EPHA6: variants seen among roughly 807,000 people sequenced by gnomAD.
The protein encoded by EPHA6 is ephrin type-A receptor 6.
In EPHA6, 50 loss-of-function variants were observed where a neutral mutation model predicts 112.0. The ratio of observed to expected loss-of-function variants is 0.45; its 90% confidence interval spans 0.36 to 0.56. The LOEUF (loss-of-function observed/expected upper bound fraction) is 0.56. EPHA6 is among the 20% of genes least tolerant of loss of function. The pLI is 0.00. For synonymous variants in EPHA6, 529 were observed against 490.7 expected (o/e 1.08, Z -1.03); for missense variants, 1,280 against 1,417.4 (o/e 0.90, Z 1.56).
chr3:97,264,324 C>T (rs1439588328), intron 5 of EPHA6, among the ~76,000 whole-genome samples: 1 of 152,252 alleles, frequency 6.6e-6, no homozygotes, highest in Admixed American at 6.5e-5. Context: ...GGGGTCCGGC[C>T]ATTGCGCACA....
intron 3 of EPHA6, among the ~76,000 whole-genome samples, chr3:97,114,432 C>A (rs1267811651): frequency 6.6e-6 from 1 of 152,038 alleles, no homozygotes. Context: ...TGATTAATAT[C>A]TCTTCCCATG....
intron 14 of EPHA6, among the ~76,000 whole-genome samples, chr3:97,657,703 A>G (rs984424968): frequency 2.0e-5 from 3 of 151,858 alleles, no homozygotes; most frequent in Admixed American, 6.6e-5. Context: ...CCTAGCCACT[A>G]TTGAGACTAA....
intron 14 of EPHA6, among the ~76,000 whole-genome samples, chr3:97,671,686 T>C (rs1560252209): frequency 1.3e-5 from 2 of 152,198 alleles, no homozygotes; most frequent in Admixed American, 1.3e-4. Context: ...TTTAAAAACC[T>C]GTGGCCTTGG....
intron 11 of EPHA6, among the ~76,000 whole-genome samples, chr3:97,558,531 C>A (rs965806561): frequency 1.4e-4 from 22 of 152,006 alleles, no homozygotes; most frequent in African/African-American, 4.3e-4. Flanking sequence ...CCCTTTCCCC[C>A]ATTCTCTATA....
intron 1 of EPHA6, among the ~76,000 whole-genome samples, chr3:96,818,514 T>C (rs2032991606): frequency 6.6e-6 from 1 of 151,994 alleles, no homozygotes; most frequent in African/African-American, 2.4e-5. Context: ...GTTGATTTCA[T>C]TAAATTTATT....
chr3:97,424,567 G>T (rs2107202280), intron 6 of EPHA6, among the ~76,000 whole-genome samples: 1 of 152,144 alleles, frequency 6.6e-6, no homozygotes, highest in South Asian at 2.1e-4. Flanking sequence ...ATTTTGGAAG[G>T]CCAAGGCGGG....
chr3:97,359,628 G>T (rs1486958120), intron 5 of EPHA6, among the ~76,000 whole-genome samples: 1 of 151,486 alleles, frequency 6.6e-6, no homozygotes, highest in Non-Finnish European at 1.5e-5. Flanking sequence ...CTTTGTGTGG[G>T]TCATATTTTC....
intron 3 of EPHA6, among the ~76,000 whole-genome samples, chr3:97,161,211 C>T (rs757594095): frequency 6.6e-6 from 1 of 152,080 alleles, no homozygotes; most frequent in Non-Finnish European, 1.5e-5. Flanking sequence ...TTTAAGTGTT[C>T]GGTCTCTACT....
At chr3:97,268,572 G>A (rs2079775055) in intron 5 of EPHA6, among the ~76,000 whole-genome samples, 1 of 152,056 alleles carries the variant, frequency 6.6e-6, no homozygotes, top group African/African-American at 2.4e-5. Flanking sequence ...GGCTATCTTG[G>A]GGATGTGGAA....
intron 3 of EPHA6, among the ~76,000 whole-genome samples, chr3:97,027,789 A>T (rs1012788043): frequency 1.3e-5 from 2 of 152,202 alleles, no homozygotes; most frequent in African/African-American, 4.8e-5. Flanking sequence ...ATTTTTATTA[A>T]CATCCCTTTG....
At chr3:97,148,605 A>G (rs764336034) in intron 3 of EPHA6, among the ~76,000 whole-genome samples, 3 of 152,086 alleles carry the variant, frequency 2.0e-5, no homozygotes, top group African/African-American at 4.8e-5. Context: ...TTTTATGATC[A>G]CACTACTGTG....
At chr3:97,150,710 A>C (rs1037413320) in intron 3 of EPHA6, among the ~76,000 whole-genome samples, 2 of 152,122 alleles carry the variant, frequency 1.3e-5, no homozygotes, top group Non-Finnish European at 2.9e-5. Flanking sequence ...TGTAAGCTTG[A>C]AAGCAGTATA....
rs192142626 is a variant in EPHA6 at position 97,372,949 on chromosome 3, G to A, written c.1607-32201G>A. 3.1e-3 allele frequency among the ~76,000 whole-genome samples: 470 copies of A among 152,212 alleles called. 4 individuals carry two copies. The highest frequency in any genetic ancestry group is 0.011 in the African/African-American group (456 of 41,556). ...GTGTTTTAATTACACAAAATCAGATGCAAACCAAATTCTTCAAATGGTCCC... is the reference window on the plus strand; with the variant it reads ...GTGTTTTAATTACACAAAATCAGATACAAACCAAATTCTTCAAATGGTCCC... On this transcript the variant is annotated intron_variant, in intron 5 of 17. Transcript: ENST00000389672.
chr3:96,819,303 A>G (rs2033060041), intron 1 of EPHA6, among the ~76,000 whole-genome samples: 2 of 152,044 alleles, frequency 1.3e-5, no homozygotes, highest in Admixed American at 6.6e-5. Context: ...AATAAGTATT[A>G]AAAAATATTA....
At chr3:97,406,580 T>A (rs1022558841) in intron 6 of EPHA6, among the ~76,000 whole-genome samples, 3 of 152,174 alleles carry the variant, frequency 2.0e-5, no homozygotes, top group African/African-American at 7.2e-5. Context: ...GCAGGGACAT[T>A]AACCATAACA....
intron 3 of EPHA6, among the ~76,000 whole-genome samples, chr3:97,077,465 GTGCC>G (rs2046565777): frequency 2.0e-5 from 3 of 152,090 alleles, no homozygotes; most frequent in Admixed American, 2.0e-4. Context: ...AGGTATACAT[GTGCC>G]ATGCTGGCCC....
intron 3 of EPHA6, among the ~76,000 whole-genome samples, chr3:96,992,744 T>G (rs984415005): frequency 1.3e-5 from 2 of 152,204 alleles, no homozygotes; most frequent in African/African-American, 4.8e-5. Flanking sequence ...TTTTATAATT[T>G]TTGAACAATC....
intron 2 of EPHA6, among the ~76,000 whole-genome samples, chr3:96,944,769 G>T (rs897601004): frequency 3.9e-5 from 6 of 152,076 alleles, no homozygotes; most frequent in African/African-American, 1.4e-4. Context: ...GTGAAACCCC[G>T]TCTCTACTAA....
At chr3:97,038,539 T>C (rs1430919159) in intron 3 of EPHA6, among the ~76,000 whole-genome samples, 1 of 152,126 alleles carries the variant, frequency 6.6e-6, no homozygotes, top group Admixed American at 6.6e-5. Context: ...GTGACACATT[T>C]TCTTTATCCA....
Sources: gnomAD v4.1 joint callset for allele counts (sites outside exome capture counted in the v4.1 genomes callset) on GRCh38, gnomAD v4.1.1 for gene constraint, MANE v1.5 for transcripts, NCBI Gene and HGNC (gene_info 2026-07-23, HGNC 2026-07-21) for gene names.